Variants in SIGLEC7 observed in about 807,000 individuals in gnomAD.
SIGLEC7 encodes the protein sialic acid binding Ig like lectin 7, also known as sialic acid-binding Ig-like lectin 7.
In SIGLEC7, 33 loss-of-function variants were observed where a neutral mutation model predicts 40.8. The observed-to-expected ratio is 0.81, with a 90% CI of 0.61 to 1.08. The LOEUF (loss-of-function observed/expected upper bound fraction) is 1.08. SIGLEC7 is among the 50% of genes least tolerant of loss of function. The pLI, the probability that SIGLEC7 is intolerant of heterozygous loss-of-function variation, is 0.00. For missense variants in SIGLEC7, 513 were observed against 576.1 expected, an observed-to-expected ratio of 0.89 and a Z score of 1.12; for synonymous variants, 242 against 237.6, an observed-to-expected ratio of 1.02 and a Z score of -0.17.
chr19:51,149,746 T>G (rs1364014797), intron 6 of SIGLEC7, among the ~76,000 whole-genome samples: 1 of 152,226 alleles, frequency 6.6e-6, no homozygotes. Context: ...TTGGGCAGTA[T>G]GGCCATTTTA....
Position 51,147,200 on chromosome 19 carries a change from CTCTCTGG to C in SIGLEC7, c.1125-15_1125-9del, listed in dbSNP as rs2092114431. ...ACCCCGATCTGACCACACTGAAAGG[CTCTCTGG>C]TCTCTTCACTCAGAGTGAGGTCCTG... On this transcript the variant is annotated splice_polypyrimidine_tract_variant and intron_variant, in intron 5 of 6. Coordinates refer to ENST00000317643, the MANE Select transcript of SIGLEC7 (RefSeq NM_014385.4). 4 of 1,611,434 alleles carry C rather than the reference CTCTCTGG, an allele frequency of 2.5e-6. No homozygotes were observed. In the East Asian group the frequency reaches 8.9e-5, roughly 36 times the overall value.
At chr19:51,147,095 T>C in intron 5 of SIGLEC7, 126 bp from the exon 6 acceptor site, 2 of 1,429,456 alleles carry the variant, frequency 1.4e-6, no homozygotes, top group Non-Finnish European at 1.9e-6. Flanking sequence ...TCTCTGGGAC[T>C]GGACCACCCT....
Position 51,144,657 on chromosome 19 carries a change from A to T in SIGLEC7, c.685A>T (p.Asn229Tyr), listed in dbSNP as rs571134690. The T allele has an allele frequency of 6.2e-7, 1 of 1,613,744 alleles. No individual in the cohort carries two copies. The highest frequency in any genetic ancestry group is 1.7e-5 in the Admixed American group (1 of 60,024). Residue 229 changes from asparagine (N) to tyrosine (Y), a missense_variant, in exon 2 of 7, where the codon AAC becomes TAC. Transcript: ENST00000317643. The stretch of plus-strand genomic sequence containing the variant: ...CTTGCCTGGGGCCGGCGTGACCACG[A>T]ACAGGACCATCCAACTCAATGTGTC... ...VTLPGAGVTTNRTIQLNVSYP... is the reference protein window; with the variant it reads ...VTLPGAGVTTYRTIQLNVSYP...
intron 6 of SIGLEC7, 140 bp downstream of exon 6, chr19:51,147,457 G>A (rs945962141): frequency 1.5e-6 from 1 of 653,714 alleles, no homozygotes; most frequent in Non-Finnish European, 2.5e-6. Flanking sequence ...TTCTCCTGCA[G>A]GATTCCCCAT....
chr19:51,142,404 G>A lies in SIGLEC7; in HGVS notation c.35G>A (p.Gly12Glu), dbSNP rs750571020. ...LLLLLLPLLW[G>E]RERVEGQKSN... ...CTGCTGCTGCTGCCCCTGCTCTGGG[G>A]GAGGGAGAGGGTGGAAGGACAGAAG... The change falls in exon 1 of 7, where the codon GGG becomes GAG. Residue 12 changes from glycine (G) to glutamate (E), a missense_variant. Gly to Glu is a moderately conservative substitution (Grantham distance 98, BLOSUM62 -2). Transcript: ENST00000317643. This position sits in a 1 kb window ranked among gnomAD's most constrained non-coding sequence, Gnocchi z 5.0. The A allele has an allele frequency of 3.2e-5, 51 of 1,613,974 alleles. No homozygotes were observed. The East Asian group carries it at 1.1e-3, about 35-fold the overall frequency.
chr19:51,151,456 G>A (rs1480468476), intron 6 of SIGLEC7, among the ~76,000 whole-genome samples: 2 of 152,212 alleles, frequency 1.3e-5, no homozygotes, highest in African/African-American at 4.8e-5. Context: ...GGAGAAAGGA[G>A]TGGGCTGGGG....
intron 2 of SIGLEC7, 101 bp from the exon 3 acceptor site, chr19:51,144,811 G>T: frequency 6.3e-7 from 1 of 1,580,422 alleles, no homozygotes; most frequent in Non-Finnish European, 8.7e-7. Context: ...GGATCAGGAG[G>T]ACGCTGGCTC....
At chr19:51,143,858 G>T in intron 1 of SIGLEC7, 1 of 442,772 alleles carries the variant, frequency 2.3e-6, no homozygotes. Flanking sequence ...ATACAGGCTG[G>T]AGGTGCTGGA....
chr19:51,142,739 C>A lies in SIGLEC7; in HGVS notation c.370C>A (p.Arg124Ser), dbSNP rs759671422. Residue 124 changes from arginine (R) to serine (S), a missense_variant, in exon 1 of 7, where the codon CGT becomes AGT. Coordinates refer to ENST00000317643, the MANE Select transcript of SIGLEC7 (RefSeq NM_014385.4). This position sits in a 1 kb window ranked among gnomAD's most constrained non-coding sequence, Gnocchi z 5.0. ...RMSDAGRYFF[R>S]MEKGNIKWNY... The stretch of plus-strand genomic sequence containing the variant: ...GAGTGATGCGGGGAGATACTTCTTT[C>A]GTATGGAGAAAGGAAATATAAAATG... 6.2e-7 allele frequency: 1 copy of A among 1,613,574 alleles called. No individual in the cohort carries two copies. The highest frequency in any genetic ancestry group is 1.3e-5 in the African/African-American group (1 of 74,970).
chr19:51,147,327 A>G lies in SIGLEC7; in HGVS notation c.1221+10A>G, dbSNP rs2092116114. Reference sequence around the variant, plus strand: ...GGGCTCAGCCTCTCAGGTGAGTGATATGGGCGTCTCCACACCCAGCATCCA... The same window carrying G: ...GGGCTCAGCCTCTCAGGTGAGTGATGTGGGCGTCTCCACACCCAGCATCCA... On this transcript the variant is annotated intron_variant, in intron 6 of 6. Coordinates refer to ENST00000317643, the MANE Select transcript of SIGLEC7 (RefSeq NM_014385.4). 1 of 1,603,458 alleles carries G rather than the reference A, an allele frequency of 6.2e-7. No homozygotes were observed.
At chr19:51,148,216 A>G (rs2092122150) in intron 6 of SIGLEC7, among the ~76,000 whole-genome samples, 1 of 151,742 alleles carries the variant, frequency 6.6e-6, no homozygotes, top group South Asian at 2.1e-4. Flanking sequence ...TTGGGGGTAC[A>G]TGTGCAGGTT....
At position 51,151,984 on chromosome 19, in the gene SIGLEC7, T is replaced by G. The variant is rs566833147; in HGVS notation, c.1222-1079T>G. Among the ~76,000 whole-genome samples the G allele has an allele frequency of 2.6e-5, 4 of 152,332 alleles. No individual in the cohort carries two copies. In the South Asian group the frequency reaches 8.3e-4, roughly 32 times the overall value. ...GCTGTGTGAGTCTGTATTAGTTTCCTGTGGCTGCTGTGACAAATTACCATG... is the reference window on the plus strand; with the variant it reads ...GCTGTGTGAGTCTGTATTAGTTTCCGGTGGCTGCTGTGACAAATTACCATG... On this transcript the variant is annotated intron_variant, in intron 6 of 6. Transcript: ENST00000317643.
intron 5 of SIGLEC7, 72 bp downstream of exon 5, chr19:51,146,922 A>G: frequency 6.9e-7 from 1 of 1,453,014 alleles, no homozygotes. Flanking sequence ...CCCTGAAGCC[A>G]GAGCTGGAAG....
intron 6 of SIGLEC7, among the ~76,000 whole-genome samples, chr19:51,152,528 C>A (rs576378483): frequency 6.6e-6 from 1 of 152,202 alleles, no homozygotes; most frequent in Non-Finnish European, 1.5e-5. Flanking sequence ...CAAATCAAGG[C>A]CCTGTAATTC....
intron 6 of SIGLEC7, among the ~76,000 whole-genome samples, chr19:51,152,093 G>C (rs1203474536): frequency 1.3e-5 from 2 of 152,204 alleles, no homozygotes; most frequent in Non-Finnish European, 2.9e-5. Context: ...CCAAAATCAA[G>C]GCATTGGCAG....
chr19:51,146,251 C>A (rs2092107795), intron 4 of SIGLEC7, 130 bp downstream of exon 4: 2 of 1,205,420 alleles, frequency 1.7e-6, no homozygotes, highest in Admixed American at 2.3e-5. Flanking sequence ...AACTTCCCTG[C>A]AACCCAGGGC....
chr19:51,152,107 G>C (rs2092147706), intron 6 of SIGLEC7, among the ~76,000 whole-genome samples: 1 of 152,208 alleles, frequency 6.6e-6, no homozygotes, highest in Non-Finnish European at 1.5e-5. Flanking sequence ...TTGGCAGGCA[G>C]GGCTGGTTCC....
rs2092111304 is a variant in SIGLEC7 at position 51,146,794 on chromosome 19, CG to C, written c.1073del (p.Gly358GlufsTer18). On this transcript the variant is annotated frameshift_variant, in exon 5 of 7. Coordinates refer to ENST00000317643, the MANE Select transcript of SIGLEC7 (RefSeq NM_014385.4). LOFTEE classifies it high-confidence loss of function. ...TATCAGGAGTGTTGCTGGGGGCGGT[CG>C]GGGGAGCTGGAGCCACAGCCCTGGT... Reference protein sequence around the residue: ...PVSGVLLGAVGGAGATALVFL... With the variant: ...PVSGVLLGAVXGAGATALVFL... 6 of 1,613,660 alleles carry C rather than the reference CG, an allele frequency of 3.7e-6. No individual in the cohort carries two copies. Among genetic ancestry groups the C allele is most frequent in the Non-Finnish European group, 5.1e-6 (6 of 1,179,838 alleles).
At position 51,142,723 on chromosome 19, in the gene SIGLEC7, G is replaced by A. The variant is rs376267864; in HGVS notation, c.354G>A (p.Ala118=). ...LSIRDARMSD[A]GRYFFRMEKG... ...TCAGAGATGCCAGAATGAGTGATGC[G>A]GGGAGATACTTCTTTCGTATGGAGA... Residue 118 remains alanine, a synonymous_variant, in exon 1 of 7, where the codon GCG becomes GCA. Coordinates refer to ENST00000317643, the MANE Select transcript of SIGLEC7 (RefSeq NM_014385.4). The surrounding 1 kb of genome is among the most constrained non-coding windows in gnomAD (Gnocchi z 5.0). 635 of 1,614,076 alleles carry A rather than the reference G, an allele frequency of 3.9e-4. 15 individuals carry two copies. In the South Asian group the frequency reaches 5.6e-3, roughly 14 times the overall value.
Sources: gnomAD v4.1 joint callset for allele counts (sites outside exome capture counted in the v4.1 genomes callset) on GRCh38, gnomAD v4.1.1 for gene constraint, Gnocchi (gnomAD v3.1) non-coding constraint, MANE v1.5 for transcripts, NCBI Gene and HGNC (gene_info 2026-07-23, HGNC 2026-07-21) for gene names.